GPR137: variants seen among roughly 807,000 people sequenced by gnomAD.
GPR137 encodes G protein-coupled receptor 137.
A neutral mutation model predicts 38.9 loss-of-function variants in GPR137; 20 were observed. The ratio of observed to expected loss-of-function variants is 0.51; its 90% confidence interval spans 0.36 to 0.75. The LOEUF (loss-of-function observed/expected upper bound fraction) is 0.75. Ranked by LOEUF, GPR137 falls within the 30% of genes least tolerant of loss-of-function variation. The pLI, the probability that GPR137 is intolerant of heterozygous loss-of-function variation, is 0.00. For synonymous variants in GPR137, 226 were observed against 235.8 expected (o/e 0.96, Z 0.38); for missense variants, 456 against 526.4 (o/e 0.87, Z 1.31).
chr11:64,280,198 T>TA (rs2033356874), upstream of GPR137, among the ~76,000 whole-genome samples: 1 of 150,426 alleles, frequency 6.6e-6, no homozygotes, highest in Non-Finnish European at 1.5e-5. Context: ...CGGGAGGCTG[T>TA]AGTCCGAGCT....
At chr11:64,284,896 G>C, upstream of GPR137, 2 of 1,440,388 alleles carry the variant, frequency 1.4e-6, no homozygotes, top group Non-Finnish European at 1.8e-6. Flanking sequence ...CCTTGGGCGT[G>C]TGTGGGAGCA....
chr11:64,282,218 C>T (rs1449954658), upstream of GPR137, among the ~76,000 whole-genome samples: 2 of 152,094 alleles, frequency 1.3e-5, no homozygotes, highest in South Asian at 2.1e-4. Flanking sequence ...CACTGTGTGG[C>T]GCGAGTGAAT....
chr11:64,286,902 G>C, intron 1 of GPR137, 21 bp downstream of exon 1: 1 of 1,600,168 alleles, frequency 6.2e-7, no homozygotes, highest in African/African-American at 1.3e-5. Context: ...GTGGTCCCGG[G>C]TGGGGGGCGG....
exon 2 of GPR137, chr11:64,276,416 C>T (rs1156718543): frequency 6.5e-6 from 1 of 153,054 alleles, no homozygotes; most frequent in Non-Finnish European, 1.5e-5. Context: ...AACCTCTGCT[C>T]ACCAGGTTCA....
upstream of GPR137, chr11:64,284,859 C>G: frequency 1.3e-6 from 2 of 1,494,396 alleles, no homozygotes; most frequent in South Asian, 2.5e-5. Flanking sequence ...CCTTCGGCCC[C>G]GGGGCTCACA....
chr11:64,273,054 C>T (rs1245237829), upstream of GPR137, among the ~76,000 whole-genome samples: 1 of 152,074 alleles, frequency 6.6e-6, no homozygotes, highest in Admixed American at 6.5e-5. Context: ...TGCAAAACCC[C>T]ATCTCTATTA....
chr11:64,273,299 G>A (rs959948577), upstream of GPR137, among the ~76,000 whole-genome samples: 8 of 152,220 alleles, frequency 5.3e-5, no homozygotes, highest in African/African-American at 1.7e-4. Context: ...CTTTAACCCA[G>A]TGGGTGGAGG....
upstream of GPR137, chr11:64,284,224 T>G: frequency 1.2e-6 from 2 of 1,605,704 alleles, no homozygotes; most frequent in Non-Finnish European, 1.7e-6. Context: ...TGCTGGTGAC[T>G]GGCGTCCCAC....
upstream of GPR137, among the ~76,000 whole-genome samples, chr11:64,279,918 T>C (rs1468161882): frequency 2.0e-5 from 3 of 151,952 alleles, no homozygotes; most frequent in Non-Finnish European, 4.4e-5. Context: ...GCACTGTGGC[T>C]CATGCCTGTA....
rs1206484817 is a variant in GPR137 at position 64,286,721 on chromosome 11, G to C, written c.197G>C (p.Cys66Ser). Residue 66 changes from cysteine to serine, a missense_variant, in exon 1 of 7, where the codon TGT (cysteine) becomes TCT (serine). By Grantham distance (112) the Cys-to-Ser change is moderately radical. Transcript: ENST00000438980. ...LSYQTVFLAL[C>S]LLWAALRTTL... ...TATCAGACGGTGTTCCTGGCCCTCT[G>C]TCTGCTCTGGGCCGCCTTGCGTACC... 2 of 1,613,840 alleles carry C rather than the reference G, an allele frequency of 1.2e-6. No individual in the cohort carries two copies. The highest frequency in any genetic ancestry group is 2.2e-5 in the East Asian group (1 of 44,870).
At chr11:64,287,224 G>A in intron 2 of GPR137, 1 of 985,298 alleles carries the variant, frequency 1.0e-6, no homozygotes, top group Non-Finnish European at 1.2e-6. Context: ...GCTTGTGGTA[G>A]TGTGAGGGAG....
chr11:64,271,829 G>A (rs745310593), upstream of GPR137: 5 of 1,365,416 alleles, frequency 3.7e-6, no homozygotes, highest in Admixed American at 3.3e-5. Flanking sequence ...GGGTAGGGGG[G>A]CGACGTTAAT....
chr11:64,274,703 C>A (rs1346517807), upstream of GPR137, among the ~76,000 whole-genome samples: 2 of 152,146 alleles, frequency 1.3e-5, no homozygotes, highest in East Asian at 3.9e-4. Flanking sequence ...AGCCTGTAAT[C>A]CCAGCTACTC....
upstream of GPR137, chr11:64,284,960 A>T: frequency 7.2e-7 from 1 of 1,394,006 alleles, no homozygotes; most frequent in East Asian, 2.7e-5. Flanking sequence ...ACTTCTGCCA[A>T]CAAGTCCTTC....
chr11:64,280,043 C>T (rs940292376), upstream of GPR137, among the ~76,000 whole-genome samples: 5 of 151,776 alleles, frequency 3.3e-5, no homozygotes, highest in African/African-American at 1.2e-4. Context: ...TTTGGCCAGG[C>T]GCGGTGGCTC....
At chr11:64,273,375 AT>A (rs2032785507), upstream of GPR137, among the ~76,000 whole-genome samples, 1 of 152,020 alleles carries the variant, frequency 6.6e-6, no homozygotes, top group Admixed American at 6.5e-5. Flanking sequence ...TCTGTCTCAA[AT>A]AATAATAATA....
Position 64,287,821 on chromosome 11 carries a change from G to T in GPR137, c.508G>T (p.Ala170Ser), listed in dbSNP as rs1313026218. ...LSHRRRAQPW[A>S]LLLVRVLVSD... ...CCATCGGCGCCGGGCACAGCCCTGG[G>T]CCCTGCTGCTTGTCCGCGTCCTGGT... Residue 170 changes from alanine to serine, a missense_variant, in exon 3 of 7, where the codon GCC becomes TCC. By Grantham distance (99) the Ala-to-Ser change is moderately conservative. Transcript: ENST00000438980. The T allele has an allele frequency of 6.2e-7, 1 of 1,606,866 alleles. No individual in the cohort carries two copies. The highest frequency in any genetic ancestry group is 8.5e-7 in the Non-Finnish European group (1 of 1,179,936).
upstream of GPR137, chr11:64,272,643 C>T (rs1272981923): frequency 3.9e-5 from 6 of 152,184 alleles, no homozygotes; most frequent in African/African-American, 1.4e-4. Context: ...CCCTTATTAT[C>T]CTCCTAACCA....
At chr11:64,277,103 T>C in intron 2 of GPR137, 1 of 666,040 alleles carries the variant, frequency 1.5e-6, no homozygotes, top group African/African-American at 1.8e-5. Flanking sequence ...CACACTGAAT[T>C]GCACACTTAA....
Sources: gnomAD v4.1 joint callset for allele counts (sites outside exome capture counted in the v4.1 genomes callset) on GRCh38, gnomAD v4.1.1 for gene constraint, MANE v1.5 for transcripts, NCBI Gene and HGNC (gene_info 2026-07-23, HGNC 2026-07-21) for gene names.